Variants in ADSL observed in about 807,000 individuals in gnomAD.
ADSL encodes the protein adenylosuccinate lyase.
A neutral mutation model predicts 62.1 loss-of-function variants in ADSL; 44 were observed. The observed-to-expected ratio is 0.71, with a 90% CI of 0.56 to 0.91. The LOEUF is 0.91. Among genes scored for constraint, ADSL ranks in the 40% least tolerant of loss-of-function variants. ADSL has a pLI of 0.00. For missense variants in ADSL, 531 were observed against 627.4 expected, an observed-to-expected ratio of 0.85 and a Z score of 1.64; for synonymous variants, 198 against 220.5, an observed-to-expected ratio of 0.90 and a Z score of 0.90.
Position 40,346,544 on chromosome 22 carries a change from G to T in ADSL, c.-15G>T. The T allele has an allele frequency of 1.3e-6, 2 of 1,599,442 alleles. No homozygotes were observed. The highest frequency in any genetic ancestry group is 2.2e-5 in the East Asian group (1 of 44,470). Reference sequence around the variant, plus strand: ...TCCCTGGTCCAGTCCACCCTGGCGGGGTCGCAGGGTTGGGATGGCGGCTGG... The same window carrying T: ...TCCCTGGTCCAGTCCACCCTGGCGGTGTCGCAGGGTTGGGATGGCGGCTGG... On this transcript the variant is annotated 5_prime_UTR_variant, in exon 1 of 13. Transcript: ENST00000623063.
chr22:40,376,042 G>A (rs2046499263), intron 2 of ADSL, among the ~76,000 whole-genome samples: 1 of 151,130 alleles, frequency 6.6e-6, no homozygotes, highest in Non-Finnish European at 1.5e-5. Context: ...GGGAGACCCT[G>A]TCTCAAAAAA....
intron 6 of ADSL, among the ~76,000 whole-genome samples, chr22:40,359,667 C>T (rs1224075806): frequency 6.6e-6 from 1 of 151,832 alleles, no homozygotes; most frequent in Non-Finnish European, 1.5e-5. Context: ...CCCCCTGTGA[C>T]TACAGGCATG....
At chr22:40,360,025 G>A (rs141610619) in intron 6 of ADSL, among the ~76,000 whole-genome samples, 3 of 152,182 alleles carry the variant, frequency 2.0e-5, no homozygotes, top group African/African-American at 7.2e-5. Context: ...ATTTCTATTG[G>A]GCTGTGGCCA....
rs775388314 is a variant in ADSL, at chr22:40,346,547, C to A, written c.-12C>A. On this transcript the variant is annotated 5_prime_UTR_variant, in exon 1 of 13. Transcript: ENST00000623063. ...CTGGTCCAGTCCACCCTGGCGGGGT[C>A]GCAGGGTTGGGATGGCGGCTGGAGG... The A allele has an allele frequency of 1.9e-6, 3 of 1,600,664 alleles. No homozygotes were observed. Among genetic ancestry groups the A allele is most frequent in the Non-Finnish European group, 2.6e-6 (3 of 1,175,788 alleles).
chr22:40,358,429 T>A (rs2044648986), intron 4 of ADSL, among the ~76,000 whole-genome samples: 1 of 151,996 alleles, frequency 6.6e-6, no homozygotes, highest in East Asian at 1.9e-4. Context: ...ACAAAAAATT[T>A]AAAAATTAGC....
At chr22:40,361,678 G>T in intron 9 of ADSL, 43 bp downstream of exon 9, 2 of 1,604,916 alleles carry the variant, frequency 1.2e-6, no homozygotes, top group Non-Finnish European at 1.7e-6. Context: ...TTGAGTGGAG[G>T]TCTGAAGGAG....
chr22:40,361,548 C>A lies in ADSL; in HGVS notation c.923C>A (p.Ala308Asp), dbSNP rs2044790653. ...PMRSERCCSL[A>D]RHLMTLVMDP... ...CGTTCAGAACGTTGCTGCAGTCTTG[C>A]CCGCCACCTGATGACCCTTGTCATG... The change falls in exon 9 of 13, where the codon GCC becomes GAC. Residue 308 changes from alanine to aspartate, a missense_variant. By Grantham distance (126) the Ala-to-Asp change is moderately radical. Transcript: ENST00000623063. 1.2e-6 allele frequency: 2 copies of A among 1,614,194 alleles called. No individual in the cohort carries two copies. Among genetic ancestry groups the A allele is most frequent in the Non-Finnish European group, 1.7e-6 (2 of 1,180,036 alleles).
intron 9 of ADSL, 138 bp downstream of exon 9, chr22:40,361,773 A>G (rs935281602): frequency 1.1e-4 from 122 of 1,125,564 alleles, no homozygotes; most frequent in Non-Finnish European, 1.5e-4. Flanking sequence ...GGAGGCAAAA[A>G]CATAAAAAGG....
At chr22:40,379,041 A>G (rs190148857) in intron 2 of ADSL, among the ~76,000 whole-genome samples, 1 of 152,286 alleles carries the variant, frequency 6.6e-6, no homozygotes, top group East Asian at 1.9e-4. Context: ...TTAGAATAGC[A>G]GCTCCTGAAA....
chr22:40,381,771 A>G (rs956833737), intron 2 of ADSL, among the ~76,000 whole-genome samples: 4 of 152,164 alleles, frequency 2.6e-5, no homozygotes, highest in African/African-American at 7.2e-5. Flanking sequence ...CCTGAGCAAC[A>G]TGGCAAAACC....
At chr22:40,349,738 C>A in intron 1 of ADSL, 94 bp from the exon 2 acceptor site, 1 of 1,097,340 alleles carries the variant, frequency 9.1e-7, no homozygotes, top group Non-Finnish European at 1.4e-6. Context: ...TAGGGTAGTG[C>A]TGCTAACATG....
chr22:40,346,734 G>C, intron 1 of ADSL, 23 bp downstream of exon 1: 4 of 1,586,484 alleles, frequency 2.5e-6, no homozygotes, highest in Non-Finnish European at 3.4e-6. Context: ...GGGCTGAGGG[G>C]CTGGGCCGGG....
At chr22:40,351,262 C>T (rs1435404533) in intron 2 of ADSL, among the ~76,000 whole-genome samples, 1 of 151,996 alleles carries the variant, frequency 6.6e-6, no homozygotes, top group Non-Finnish European at 1.5e-5. Flanking sequence ...CCTCTGCCTC[C>T]CGAGTTCAAG....
downstream of ADSL, among the ~76,000 whole-genome samples, chr22:40,370,967 C>T (rs1162743585): frequency 6.6e-6 from 1 of 152,228 alleles, no homozygotes; most frequent in Non-Finnish European, 1.5e-5. Context: ...GTGTTCGGGG[C>T]GCCAGCCGGA....
In ADSL at chr22:40,357,247, CTTTTTTT is replaced by C. The variant is rs760770992; in HGVS notation, c.483-1600_483-1594del. On this transcript the variant is annotated intron_variant, in intron 4 of 12. Coordinates refer to ENST00000623063, the MANE Select transcript of ADSL (RefSeq NM_000026.4). ...CAGACCTTCAGTGGCTTGATTTGGGCTTTTTTTTTTTTTTTTTTTTTTTGACATGGAG... is the reference window on the plus strand; with the variant it reads ...CAGACCTTCAGTGGCTTGATTTGGGCTTTTTTTTTTTTTTTTGACATGGAG... 3.4e-4 allele frequency among the ~76,000 whole-genome samples: 35 copies of C among 102,770 alleles called. No homozygotes were observed. The South Asian group carries it at 9.1e-3, about 27-fold the overall frequency. 67.4% of individuals were successfully genotyped at this position (102,770 alleles called of 152,430 possible).
Position 40,367,433 on chromosome 22 carries a change from A to T in ADSL, c.*911A>T, listed in dbSNP as rs989161016. Reference sequence around the variant, plus strand: ...ATTATAGACATGAGCCACCACACCCAGCCTAATCTTGTTTTCTTTTTTTAC... The same window carrying T: ...ATTATAGACATGAGCCACCACACCCTGCCTAATCTTGTTTTCTTTTTTTAC... On this transcript the variant is annotated 3_prime_UTR_variant, in exon 13 of 13. Coordinates refer to ENST00000623063, the MANE Select transcript of ADSL (RefSeq NM_000026.4). The T allele has an allele frequency of 6.0e-6, 1 of 166,928 alleles. No homozygotes were observed. Among genetic ancestry groups the T allele is most frequent in the African/African-American group, 2.4e-5 (1 of 41,430 alleles). The allele number at this position is 166,928 out of a possible 1,614,324, so 10.3% of individuals were successfully genotyped here.
chr22:40,375,555 G>C (rs1016900797), intron 2 of ADSL, among the ~76,000 whole-genome samples: 1 of 151,536 alleles, frequency 6.6e-6, no homozygotes, highest in Non-Finnish European at 1.5e-5. Context: ...ACTCCAGCCT[G>C]GGTGACAAGA....
intron 2 of ADSL, among the ~76,000 whole-genome samples, chr22:40,384,810 T>C (rs1437635574): frequency 1.3e-5 from 2 of 152,114 alleles, no homozygotes; most frequent in East Asian, 1.9e-4. Context: ...TTTTAATGTG[T>C]TGTGGTATAT....
chr22:40,386,562 CTTT>C (rs60319316), intron 2 of ADSL, among the ~76,000 whole-genome samples: 4 of 68,364 alleles, frequency 5.9e-5, no homozygotes, highest in African/African-American at 1.7e-4. Flanking sequence ...AATTTTCTTA[CTTT>C]TTTTTTTTTT....
Sources: allele counts gnomAD v4.1 joint callset (sites outside exome capture counted in the v4.1 genomes callset), GRCh38; gene constraint gnomAD v4.1.1; transcripts MANE v1.5; gene names NCBI Gene and HGNC (gene_info 2026-07-23, HGNC 2026-07-21).